Variants in PHYHIP observed in about 807,000 individuals in gnomAD.
PHYHIP encodes phytanoyl-CoA hydroxylase-interacting protein.
PHYHIP carries 7 observed loss-of-function variants against 26.1 expected under a neutral mutation model. That is an observed-to-expected ratio of 0.27 (90% CI 0.15 to 0.50). The LOEUF (loss-of-function observed/expected upper bound fraction) is 0.50. Among genes scored for constraint, PHYHIP ranks in the 20% least tolerant of loss-of-function variants. The pLI, the probability that PHYHIP is intolerant of heterozygous loss-of-function variation, is 0.98. For missense variants in PHYHIP, 232 were observed against 454.7 expected (o/e 0.51, Z 4.45); for synonymous variants, 206 against 183.4 (o/e 1.12, Z -1.00).
intron 1 of PHYHIP, 37 bp from the exon 2 acceptor site, chr8:22,228,423 C>G: frequency 3.8e-6 from 5 of 1,299,962 alleles, no homozygotes; most frequent in Non-Finnish European, 5.4e-6. Context: ...ATCCCTTGAC[C>G]CCGGCGAGCT....
At chr8:22,227,528 TGCCGTCG>T in intron 2 of PHYHIP, 1 of 444,418 alleles carries the variant, frequency 2.3e-6, no homozygotes, top group Non-Finnish European at 4.5e-6. Context: ...CCCACGCCGG[TGCCGTCG>T]GCCTGGGAGC....
intron 1 of PHYHIP, among the ~76,000 whole-genome samples, chr8:22,229,113 TCA>T (rs1387314107): frequency 6.6e-6 from 1 of 152,222 alleles, no homozygotes; most frequent in Non-Finnish European, 1.5e-5. Flanking sequence ...GCTCATAATT[TCA>T]CAGACGTCTC....
intron 2 of PHYHIP, 106 bp from the exon 3 acceptor site, chr8:22,227,131 G>A: frequency 9.8e-7 from 1 of 1,021,312 alleles, no homozygotes; most frequent in Non-Finnish European, 1.4e-6. Context: ...TGTTTCTCCT[G>A]AGCAGGACCA....
At chr8:22,223,485 T>C (rs1829676020) in intron 4 of PHYHIP, among the ~76,000 whole-genome samples, 1 of 152,068 alleles carries the variant, frequency 6.6e-6, no homozygotes, top group African/African-American at 2.4e-5. Flanking sequence ...TGCCTCACAT[T>C]GCCTGGTCCT....
chr8:22,223,132 G>A (rs1829665743), intron 4 of PHYHIP, among the ~76,000 whole-genome samples: 1 of 152,044 alleles, frequency 6.6e-6, no homozygotes, highest in Admixed American at 6.6e-5. Context: ...GGAGGCCGAG[G>A]TGGGCGGATC....
intron 2 of PHYHIP, among the ~76,000 whole-genome samples, chr8:22,227,430 T>C (rs1473453474): frequency 1.3e-5 from 2 of 152,050 alleles, no homozygotes; most frequent in Admixed American, 1.3e-4. Flanking sequence ...GGGGTGGTGT[T>C]GAACATTCAC....
chr8:22,224,415 C>T, intron 3 of PHYHIP, 72 bp from the exon 4 acceptor site: 3 of 850,016 alleles, frequency 3.5e-6, no homozygotes, highest in Non-Finnish European at 6.0e-6. Flanking sequence ...GTCCCCACCC[C>T]ACCCCACACT....
At chr8:22,224,000 A>G (rs1279689851) in intron 4 of PHYHIP, 2 of 523,994 alleles carry the variant, frequency 3.8e-6, no homozygotes, top group African/African-American at 3.9e-5. Context: ...TTAGTACAAC[A>G]CTCTTGCAGA....
Position 22,221,403 on chromosome 8 carries a change from C to T in PHYHIP, c.943G>A (p.Ala315Thr), listed in dbSNP as rs1481892067. The change falls in exon 5 of 5, where the codon GCC (alanine) becomes ACC (threonine). Residue 315 changes from alanine (A) to threonine (T), a missense_variant. Coordinates refer to ENST00000454243, the MANE Select transcript of PHYHIP (RefSeq NM_014759.5). This position sits in a 1 kb window ranked among gnomAD's most constrained non-coding sequence, Gnocchi z 7.9. ...HQLMSLSTAD[A>T]KKDPSCKTCN... ...GTCTTGCAGCTGGGGTCCTTCTTGGCATCGGCAGTAGACAGACTCATGAGC... is the reference window on the plus strand; with the variant it reads ...GTCTTGCAGCTGGGGTCCTTCTTGGTATCGGCAGTAGACAGACTCATGAGC... 6.2e-7 allele frequency: 1 copy of T among 1,609,272 alleles called. No homozygotes were observed. The highest frequency in any genetic ancestry group is 1.7e-5 in the Admixed American group (1 of 59,750).
In PHYHIP at chr8:22,221,634, C is replaced by G; in HGVS notation, c.712G>C (p.Val238Leu). 1 of 1,613,468 alleles carries G rather than the reference C, an allele frequency of 6.2e-7. No homozygotes were observed. Among genetic ancestry groups the G allele is most frequent in the Non-Finnish European group, 8.5e-7 (1 of 1,179,804 alleles). Reference sequence around the variant, plus strand: ...CCCAGGGAGCCTTTGGGCGCCAGCACCAGGATGGCGTAGTGGTAGGCCGTG... The same window carrying G: ...CCCAGGGAGCCTTTGGGCGCCAGCAGCAGGATGGCGTAGTGGTAGGCCGTG... ...MYTAYHYAILVLAPKGSLGDR... is the reference protein window; with the variant it reads ...MYTAYHYAILLLAPKGSLGDR... Residue 238 changes from valine (V) to leucine (L), a missense_variant, in exon 5 of 5, where the codon GTG (valine) becomes CTG (leucine). Transcript: ENST00000454243. This position sits in a 1 kb window ranked among gnomAD's most constrained non-coding sequence, Gnocchi z 7.9.
chr8:22,219,869 G>C lies in PHYHIP; in HGVS notation c.*1484C>G, dbSNP rs1294679566. 6.5e-6 allele frequency: 1 copy of C among 152,792 alleles called. No individual in the cohort carries two copies. Among genetic ancestry groups the C allele is most frequent in the East Asian group, 1.9e-4 (1 of 5,202 alleles). The allele number at this position is 152,792 out of a possible 1,614,324, so 9.5% of individuals were successfully genotyped here. On this transcript the variant is annotated 3_prime_UTR_variant, in exon 5 of 5. Transcript: ENST00000454243. ...AGCACAGGGGGAAGGAAAGGGCCTGGGCCATGTTCTCTCCTTCTCCACACC... is the reference window on the plus strand; with the variant it reads ...AGCACAGGGGGAAGGAAAGGGCCTGCGCCATGTTCTCTCCTTCTCCACACC...
At chr8:22,226,807 G>A (rs533879701) in intron 3 of PHYHIP, 44 bp downstream of exon 3, 7 of 1,559,132 alleles carry the variant, frequency 4.5e-6, no homozygotes, top group Admixed American at 1.8e-5. Flanking sequence ...AGCAAAGCCC[G>A]ACGTGCCAAG....
intron 1 of PHYHIP, among the ~76,000 whole-genome samples, chr8:22,231,372 T>C (rs1040015109): frequency 6.6e-6 from 1 of 152,186 alleles, no homozygotes; most frequent in African/African-American, 2.4e-5. Context: ...TTTCTAGACA[T>C]GCCTCACACC....
At chr8:22,224,803 C>G (rs1829709636) in intron 3 of PHYHIP, among the ~76,000 whole-genome samples, 1 of 152,218 alleles carries the variant, frequency 6.6e-6, no homozygotes, top group East Asian at 1.9e-4. Context: ...GCTGTAATTA[C>G]AGGTGACGGC....
chr8:22,224,195 G>A (rs4075536), intron 4 of PHYHIP, 31 bp downstream of exon 4: 1,017,754 of 1,309,676 alleles, frequency 0.78, 407,159 homozygotes, highest in South Asian at 0.9. Context: ...GGAGAGGCCC[G>A]GCGGGTCCAG....
At chr8:22,229,587 G>T (rs754278044) in intron 1 of PHYHIP, among the ~76,000 whole-genome samples, 1 of 152,184 alleles carries the variant, frequency 6.6e-6, no homozygotes, top group East Asian at 1.9e-4. Flanking sequence ...GAGTGACAGC[G>T]TCTGGGAGGG....
chr8:22,222,116 C>T (rs1406718101), intron 4 of PHYHIP, among the ~76,000 whole-genome samples: 1 of 152,100 alleles, frequency 6.6e-6, no homozygotes, highest in African/African-American at 2.4e-5. Flanking sequence ...AGATATGAAG[C>T]TGTCACTCCC....
At chr8:22,228,577 C>A in intron 1 of PHYHIP, 191 bp from the exon 2 acceptor site, 2 of 495,934 alleles carry the variant, frequency 4.0e-6, no homozygotes, top group Non-Finnish European at 7.2e-6. Context: ...GGTGCCTGCC[C>A]GGGGGGCTCT....
intron 1 of PHYHIP, among the ~76,000 whole-genome samples, chr8:22,231,490 G>T (rs55707532): frequency 0.069 from 10,564 of 152,282 alleles, 463 homozygotes; most frequent in Non-Finnish European, 0.11. Flanking sequence ...GCACACCGGT[G>T]CCCCTTCCCC....
Sources: allele counts gnomAD v4.1 joint callset (sites outside exome capture counted in the v4.1 genomes callset), GRCh38; gene constraint gnomAD v4.1.1; non-coding constraint Gnocchi (gnomAD v3.1); transcripts MANE v1.5; gene names NCBI Gene and HGNC (gene_info 2026-07-23, HGNC 2026-07-21).